SPAG16: variants seen among roughly 807,000 people sequenced by gnomAD.
SPAG16 encodes the protein sperm-associated antigen 16 protein.
In SPAG16, 86 loss-of-function variants were observed where a neutral mutation model predicts 80.4. The observed-to-expected ratio is 1.07, with a 90% CI of 0.90 to 1.28. SPAG16 has a LOEUF of 1.28. SPAG16 is among the 50% of genes most tolerant of loss of function. The probability of loss-of-function intolerance (pLI) is 0.00; values close to 1 mark genes in which losing one functional copy is unlikely to be tolerated. For synonymous variants in SPAG16, 294 were observed against 265.9 expected (o/e 1.11, Z -1.03); for missense variants, 870 against 765.3 (o/e 1.14, Z -1.61).
intron 7 of SPAG16, among the ~76,000 whole-genome samples, chr2:213,363,832 G>A (rs188182208): frequency 2.2e-4 from 34 of 152,064 alleles, no homozygotes; most frequent in South Asian, 4.1e-4. Context: ...AAACTATGCC[G>A]TGAAATAAAT....
At chr2:213,862,038 T>C (rs1433096579) in intron 10 of SPAG16, among the ~76,000 whole-genome samples, 1 of 152,180 alleles carries the variant, frequency 6.6e-6, no homozygotes, top group Non-Finnish European at 1.5e-5. Flanking sequence ...GTGGTTATGA[T>C]TCATGATCTT....
chr2:213,692,826 G>GA (rs375602913), intron 10 of SPAG16, among the ~76,000 whole-genome samples: 9 of 144,290 alleles, frequency 6.2e-5, no homozygotes, highest in South Asian at 2.2e-4. Context: ...AAAAAAAAAA[G>GA]AAAAAAAAAG....
At chr2:214,070,945 A>G (rs182656760) in intron 13 of SPAG16, among the ~76,000 whole-genome samples, 3 of 152,240 alleles carry the variant, frequency 2.0e-5, no homozygotes, top group Non-Finnish European at 4.4e-5. Context: ...TTATAAAAAT[A>G]TGGCTGAGTC....
intron 15 of SPAG16, among the ~76,000 whole-genome samples, chr2:214,205,337 C>A (rs1293544445): frequency 1.3e-5 from 2 of 152,110 alleles, no homozygotes; most frequent in Admixed American, 1.3e-4. Context: ...AAATGAGGGA[C>A]ACACTTAGAG....
At chr2:213,335,737 G>A (rs2064325381) in intron 5 of SPAG16, among the ~76,000 whole-genome samples, 1 of 152,158 alleles carries the variant, frequency 6.6e-6, no homozygotes, top group South Asian at 2.1e-4. Context: ...AAATGAGGTT[G>A]AGGTTTAGGT....
intron 5 of SPAG16, among the ~76,000 whole-genome samples, chr2:213,330,541 C>A (rs1317390886): frequency 1.3e-5 from 2 of 152,160 alleles, no homozygotes; most frequent in Admixed American, 1.3e-4. Flanking sequence ...GCCTGTAGCC[C>A]CGTTGTATCT....
chr2:213,321,666 C>G (rs866728215), intron 5 of SPAG16, among the ~76,000 whole-genome samples: 1 of 152,118 alleles, frequency 6.6e-6, no homozygotes, highest in African/African-American at 2.4e-5. Flanking sequence ...GTCATTTTCT[C>G]TGTTGTCAAC....
chr2:214,293,168 G>A (rs763570383), intron 15 of SPAG16, among the ~76,000 whole-genome samples: 1 of 152,248 alleles, frequency 6.6e-6, no homozygotes, highest in Non-Finnish European at 1.5e-5. Context: ...AGTAGTGGCA[G>A]CAGTAGGCCA....
At position 213,802,185 on chromosome 2, in the gene SPAG16, A is replaced by G. The variant is rs72937226; in HGVS notation, c.1071-60300A>G. Among the ~76,000 whole-genome samples the G allele has an allele frequency of 9.8e-3, 1,494 of 152,242 alleles. 13 individuals carry two copies. Among genetic ancestry groups the G allele is most frequent in the Non-Finnish European group, 0.015 (1,045 of 68,002 alleles). On this transcript the variant is annotated intron_variant, in intron 10 of 15. Coordinates refer to ENST00000331683, the MANE Select transcript of SPAG16 (RefSeq NM_024532.5). ...GGACTTGATGAGAGATGATAAGGGG[A>G]GGAATGTTTTAGTTCTTGCCATGTC...
chr2:214,372,485 C>A (rs1467974710), intron 15 of SPAG16, among the ~76,000 whole-genome samples: 1 of 151,104 alleles, frequency 6.6e-6, no homozygotes, highest in Non-Finnish European at 1.5e-5. Context: ...AAGGAATCTT[C>A]CTGTTTAACA....
chr2:213,646,106 C>T (rs997904547), intron 10 of SPAG16, among the ~76,000 whole-genome samples: 2 of 152,168 alleles, frequency 1.3e-5, no homozygotes, highest in African/African-American at 4.8e-5. Context: ...CTGGGCACCC[C>T]TCCAAACCTG....
chr2:214,279,327 C>A (rs934561986), intron 15 of SPAG16, among the ~76,000 whole-genome samples: 1 of 152,150 alleles, frequency 6.6e-6, no homozygotes, highest in African/African-American at 2.4e-5. Context: ...AATCTCTTGA[C>A]CTTGTGATCC....
chr2:214,366,055 T>C lies in SPAG16; in HGVS notation c.1721-44085T>C, dbSNP rs188564071. ...GTGCAGTGGTATGATCTCGGCTCAC[T>C]GCAACCTCTGCCTCCCAAATTCAAG... On this transcript the variant is annotated intron_variant, in intron 15 of 15. Coordinates refer to ENST00000331683, the MANE Select transcript of SPAG16 (RefSeq NM_024532.5). 2.0e-5 allele frequency among the ~76,000 whole-genome samples: 3 copies of C among 151,464 alleles called. No individual in the cohort carries two copies. The East Asian group carries it at 5.8e-4, about 29-fold the overall frequency.
chr2:214,158,152 G>A (rs1206714342), intron 15 of SPAG16, among the ~76,000 whole-genome samples: 5 of 151,946 alleles, frequency 3.3e-5, no homozygotes, highest in South Asian at 2.1e-4. Context: ...ATTAGGTGAC[G>A]TTATCAATTA....
chr2:214,379,889 G>GAAAC (rs1228439694), intron 15 of SPAG16, among the ~76,000 whole-genome samples: 3 of 152,174 alleles, frequency 2.0e-5, no homozygotes, highest in African/African-American at 7.2e-5. Flanking sequence ...AATCCTTTGA[G>GAAAC]AAACAACACA....
intron 10 of SPAG16, among the ~76,000 whole-genome samples, chr2:213,669,703 T>G (rs993084753): frequency 6.6e-6 from 1 of 152,156 alleles, no homozygotes. Context: ...TAATGAGAAG[T>G]GTTCTGTTGG....
At chr2:214,046,931 C>T (rs1013334668) in intron 13 of SPAG16, among the ~76,000 whole-genome samples, 1 of 150,830 alleles carries the variant, frequency 6.6e-6, no homozygotes, top group Non-Finnish European at 1.5e-5. Context: ...TTTAGCAATC[C>T]CATTTACATT....
At chr2:213,554,296 T>C (rs2059355749) in intron 10 of SPAG16, among the ~76,000 whole-genome samples, 1 of 152,214 alleles carries the variant, frequency 6.6e-6, no homozygotes, top group Admixed American at 6.5e-5. Flanking sequence ...GCACAGAGAC[T>C]ACATTTCTGG....
chr2:214,319,224 A>ACACACACAC (rs1553554490), intron 15 of SPAG16, among the ~76,000 whole-genome samples: 1 of 151,010 alleles, frequency 6.6e-6, no homozygotes, highest in African/African-American at 2.4e-5. Context: ...ACACACACAC[A>ACACACACAC]AGAAGTGTAG....
Sources: allele counts gnomAD v4.1 joint callset (sites outside exome capture counted in the v4.1 genomes callset), GRCh38; gene constraint gnomAD v4.1.1; transcripts MANE v1.5; gene names NCBI Gene and HGNC (gene_info 2026-07-23, HGNC 2026-07-21).